The following NAV3 variants were observed in gnomAD, a reference collection of about 807,000 sequenced individuals.
NAV3 encodes the protein pore membrane and/or filament interacting like protein 1.
NAV3 carries 87 observed loss-of-function variants against 244.7 expected under a neutral mutation model. The ratio of observed to expected loss-of-function variants is 0.36; its 90% CI spans 0.30 to 0.42. The LOEUF (loss-of-function observed/expected upper bound fraction) is 0.42, where lower values mean the gene tolerates loss of function less well. Among genes scored for constraint, NAV3 ranks in the 20% least tolerant of loss-of-function variants. The probability of loss-of-function intolerance (pLI) is 1.00; values close to 1 mark genes in which losing one functional copy is unlikely to be tolerated. For missense variants in NAV3, 2,663 were observed against 2,893.3 expected (o/e 0.92, Z 1.83); for synonymous variants, 1,126 against 1,042.2 (o/e 1.08, Z -1.55).
At chr12:77,682,951 C>A (rs1354014213) in intron 2 of NAV3, among the ~76,000 whole-genome samples, 3 of 151,972 alleles carry the variant, frequency 2.0e-5, no homozygotes, top group Admixed American at 6.6e-5. Flanking sequence ...ATATATTCTT[C>A]CATTTTGCAG....
At chr12:77,974,416 G>A (rs1341998268) in intron 5 of NAV3, among the ~76,000 whole-genome samples, 1 of 151,644 alleles carries the variant, frequency 6.6e-6, no homozygotes, top group African/African-American at 2.4e-5. Flanking sequence ...CTAGTAGCTG[G>A]GATTACAGGT....
At position 77,738,971 on chromosome 12, in the gene NAV3, T is replaced by C. The variant is rs369822941; in HGVS notation, c.72+166705T>C. Among the ~76,000 whole-genome samples, 544 of 122,566 alleles carry C rather than the reference T, an allele frequency of 4.4e-3. 3 individuals carry two copies. Among genetic ancestry groups the C allele is most frequent in the African/African-American group, 0.016 (501 of 31,242 alleles). The allele number at this position is 122,566 out of a possible 152,430, so 80.4% of individuals were successfully genotyped here. A position where few individuals can be genotyped will look rare whatever the true frequency, so the allele number is the denominator to read the frequency against. On this transcript the variant is annotated intron_variant, in intron 2 of 8. Transcript: ENST00000550042. ...AGCTTGCAGTGAGCCGAGATCGCGC[T>C]ACTGCACTCCAGCATGGGCGACAGA... is the stretch of plus-strand genomic sequence containing the variant.
chr12:78,035,802 G>A (rs142931809), intron 9 of NAV3, among the ~76,000 whole-genome samples: 1 of 152,066 alleles, frequency 6.6e-6, no homozygotes, highest in Admixed American at 6.6e-5. Flanking sequence ...AAATAAGAAG[G>A]CTTTGACTTT....
chr12:77,615,590 T>G (rs1871116573), intron 2 of NAV3, among the ~76,000 whole-genome samples: 2 of 152,210 alleles, frequency 1.3e-5, no homozygotes, highest in Admixed American at 1.3e-4. Flanking sequence ...TGTGTATATA[T>G]GTACCACATT....
chr12:78,210,119 G>A (rs780259030), intron 39 of NAV3, among the ~76,000 whole-genome samples: 3 of 152,166 alleles, frequency 2.0e-5, no homozygotes, highest in Non-Finnish European at 4.4e-5. Context: ...CTGTGATACA[G>A]TTTCCTTTCC....
At chr12:77,683,226 G>A (rs888438628) in intron 2 of NAV3, among the ~76,000 whole-genome samples, 2 of 152,038 alleles carry the variant, frequency 1.3e-5, no homozygotes, top group African/African-American at 2.4e-5. Flanking sequence ...TCATTCTTTT[G>A]CATGTGGTTT....
At chr12:77,735,276 A>G (rs1401281773) in intron 2 of NAV3, among the ~76,000 whole-genome samples, 1 of 152,130 alleles carries the variant, frequency 6.6e-6, no homozygotes, top group Non-Finnish European at 1.5e-5. Context: ...CAGTAATGAG[A>G]GTACTAGAAA....
chr12:78,141,200 T>C (rs1162778646), intron 20 of NAV3, among the ~76,000 whole-genome samples: 1 of 152,204 alleles, frequency 6.6e-6, no homozygotes, highest in Non-Finnish European at 1.5e-5. Context: ...ATAGAAACTT[T>C]ATTTATTAAG....
intron 2 of NAV3, among the ~76,000 whole-genome samples, chr12:77,671,980 G>T (rs976340918): frequency 1.3e-5 from 2 of 152,156 alleles, no homozygotes; most frequent in Non-Finnish European, 2.9e-5. Flanking sequence ...CCCACAGAGT[G>T]GGAGAAAATC....
chr12:77,952,798 C>T (rs569908350), intron 3 of NAV3, among the ~76,000 whole-genome samples: 8 of 152,042 alleles, frequency 5.3e-5, no homozygotes, highest in Non-Finnish European at 8.8e-5. Context: ...TATAAACTCT[C>T]GTGAAACTGG....
chr12:77,891,504 C>T lies in NAV3; in HGVS notation c.244-48815C>T, dbSNP rs576052684. On this transcript the variant is annotated intron_variant, in intron 1 of 39. Transcript: ENST00000397909. Reference sequence around the variant, plus strand: ...TATGTAGTCTTTTTGGACAGGTGGCCATTTCACTTATTCTCAAATCCAGAT... The same window carrying T: ...TATGTAGTCTTTTTGGACAGGTGGCTATTTCACTTATTCTCAAATCCAGAT... 1.7e-3 allele frequency among the ~76,000 whole-genome samples: 255 copies of T among 152,072 alleles called. 1 individual carries two copies. Among genetic ancestry groups the T allele is most frequent in the African/African-American group, 6.0e-3 (247 of 41,502 alleles).
At chr12:77,741,148 C>CAAAAAAAAAAAAAAAAAGA (rs1868322824) in intron 2 of NAV3, among the ~76,000 whole-genome samples, 4 of 68,668 alleles carry the variant, frequency 5.8e-5, no homozygotes, top group Admixed American at 3.6e-4. Context: ...AAAAAAAAGA[C>CAAAAAAAAAAAAAAAAAGA]AAAAAAAAAA....
intron 2 of NAV3, among the ~76,000 whole-genome samples, chr12:77,821,645 A>G (rs1311409089): frequency 3.3e-5 from 5 of 152,192 alleles, no homozygotes; most frequent in African/African-American, 1.2e-4. Flanking sequence ...GTTTTAGCCA[A>G]TTTTATTTGT....
intron 6 of NAV3, among the ~76,000 whole-genome samples, chr12:77,995,347 G>C (rs1007642126): frequency 6.6e-6 from 1 of 151,992 alleles, no homozygotes; most frequent in Non-Finnish European, 1.5e-5. Context: ...TAATTTTTTT[G>C]CTTCTTTATG....
chr12:78,188,538 G>T, intron 32 of NAV3, 71 bp from the exon 33 acceptor site: 1 of 1,446,306 alleles, frequency 6.9e-7, no homozygotes, highest in Non-Finnish European at 9.5e-7. Flanking sequence ...CTATATCCCT[G>T]TGAGTTATGT....
chr12:77,747,149 TA>T (rs993175904), intron 2 of NAV3, among the ~76,000 whole-genome samples: 1 of 152,176 alleles, frequency 6.6e-6, no homozygotes, highest in African/African-American at 2.4e-5. Flanking sequence ...GAAATTTGTC[TA>T]AAAAATAGTG....
intron 12 of NAV3, among the ~76,000 whole-genome samples, chr12:78,115,590 G>T (rs1315680229): frequency 6.6e-6 from 1 of 152,166 alleles, no homozygotes; most frequent in Non-Finnish European, 1.5e-5. Context: ...AAGTAGTCAT[G>T]TGCCACAGAA....
At chr12:77,637,237 A>G (rs184792602) in intron 2 of NAV3, among the ~76,000 whole-genome samples, 2 of 152,242 alleles carry the variant, frequency 1.3e-5, no homozygotes, top group Admixed American at 1.3e-4. Flanking sequence ...GCAATTTGCT[A>G]TGGTCCACAG....
intron 1 of NAV3, among the ~76,000 whole-genome samples, chr12:77,925,984 GGAAA>G (rs1281356644): frequency 2.0e-5 from 3 of 152,110 alleles, no homozygotes; most frequent in East Asian, 1.9e-4. Flanking sequence ...GTAAAAAGAA[GGAAA>G]GAAAGTTGTT....
Sources: gnomAD v4.1 joint callset for allele counts (sites outside exome capture counted in the v4.1 genomes callset) on GRCh38, gnomAD v4.1.1 for gene constraint, MANE v1.5 for transcripts, NCBI Gene and HGNC (gene_info 2026-07-23, HGNC 2026-07-21) for gene names.